The following RPGRIP1 variants were observed in gnomAD, a reference collection of about 807,000 sequenced individuals.
The protein encoded by RPGRIP1 is RPGR interacting protein 1.
In RPGRIP1, 128 loss-of-function variants were observed where a neutral mutation model predicts 157.9. The ratio of observed to expected loss-of-function variants is 0.81; its 90% confidence interval spans 0.70 to 0.94. RPGRIP1 has a LOEUF of 0.94. Ranked by LOEUF, RPGRIP1 falls within the 40% of genes least tolerant of loss-of-function variation. The probability of loss-of-function intolerance (pLI) is 0.00; values close to 1 mark genes in which losing one functional copy is unlikely to be tolerated. For synonymous variants in RPGRIP1, 554 were observed against 571.6 expected (o/e 0.97, Z 0.44); for missense variants, 1,486 against 1,545.8 (o/e 0.96, Z 0.65).
chr14:21,296,045 C>A (rs531945626), intron 3 of RPGRIP1, among the ~76,000 whole-genome samples: 1 of 152,158 alleles, frequency 6.6e-6, no homozygotes, highest in East Asian at 1.9e-4. Flanking sequence ...AAGCAACTCT[C>A]CTGTCTCAGC....
intron 21 of RPGRIP1, among the ~76,000 whole-genome samples, chr14:21,341,741 C>T (rs1885017580): frequency 6.6e-6 from 1 of 152,094 alleles, no homozygotes; most frequent in Non-Finnish European, 1.5e-5. Context: ...ATGGCAGCGA[C>T]TGTGAAGTGG....
intron 14 of RPGRIP1, among the ~76,000 whole-genome samples, chr14:21,323,187 C>T (rs1882687767): frequency 1.3e-5 from 2 of 151,932 alleles, no homozygotes; most frequent in Admixed American, 6.6e-5. Flanking sequence ...TTTGGGAGGA[C>T]GAGGCGGGCG....
At chr14:21,347,908 G>A (rs1885727670) in intron 23 of RPGRIP1, among the ~76,000 whole-genome samples, 1 of 151,662 alleles carries the variant, frequency 6.6e-6, no homozygotes, top group African/African-American at 2.4e-5. Context: ...TATTTTTTTT[G>A]TAGAGACGGG....
chr14:21,351,190 G>T lies in RPGRIP1; in HGVS notation c.3835G>T (p.Glu1279Ter). 1 of 1,608,542 alleles carries T rather than the reference G, an allele frequency of 6.2e-7. No individual in the cohort carries two copies. ...TGCTGTCCTCCATGCTATTTACAAG[G>T]AGATGACTGAAGATTTGTTTTCATG... ...AAAVLHAIYK[E>*]MTEDLFS Residue 1279 changes from glutamate (E) to a stop codon, truncating the protein, a stop_gained, in exon 25 of 25, where the codon GAG (glutamate) becomes TAG (stop). Coordinates refer to ENST00000400017, the MANE Select transcript of RPGRIP1 (RefSeq NM_020366.4). LOFTEE classifies it high-confidence loss of function.
intron 19 of RPGRIP1, among the ~76,000 whole-genome samples, chr14:21,329,770 A>G (rs1028463247): frequency 6.6e-6 from 1 of 150,856 alleles, no homozygotes; most frequent in African/African-American, 2.4e-5. Context: ...TGCTGAGATT[A>G]TAGGCGTGAG....
Position 21,334,588 on chromosome 14 carries a change from A to T in RPGRIP1, c.3239-17A>T. 1 of 1,572,892 alleles carries T rather than the reference A, an allele frequency of 6.4e-7. No homozygotes were observed. The highest frequency in any genetic ancestry group is 8.7e-7 in the Non-Finnish European group (1 of 1,152,724). ...TGCTTTGAAACAGTTCTATAACTGC[A>T]ACCTCTTCTCTAGCAGACAAAGAAT... On this transcript the variant is annotated splice_polypyrimidine_tract_variant and intron_variant, in intron 20 of 24. Transcript: ENST00000400017.
At chr14:21,350,112 A>G (rs1194788250) in intron 24 of RPGRIP1, among the ~76,000 whole-genome samples, 1 of 152,216 alleles carries the variant, frequency 6.6e-6, no homozygotes, top group Non-Finnish European at 1.5e-5. Context: ...GAGGTGGCTC[A>G]TGCCTGTAAT....
At chr14:21,316,479 C>T (rs28532897) in intron 10 of RPGRIP1, among the ~76,000 whole-genome samples, 3,996 of 152,048 alleles carry the variant, frequency 0.026, 177 homozygotes, top group African/African-American at 0.092. Context: ...TGCAGTGGCA[C>T]GATCTCAGCT....
In RPGRIP1 at chr14:21,327,690, G is replaced by A. The variant is rs768667422; in HGVS notation, c.2778G>A (p.Lys926=). The A allele has an allele frequency of 6.2e-7, 1 of 1,613,940 alleles. No homozygotes were observed. Among genetic ancestry groups the A allele is most frequent in the Admixed American group, 1.7e-5 (1 of 60,000 alleles). The part of the protein sequence containing the change: ...NGSIQVQLDW[K]FPYIPPESFL... ...CTATTCAAGTGCAACTGGATTGGAA[G>A]TTTCCCTACATACCCCCTGAGAGCT... Residue 926 remains lysine (K), a synonymous_variant, in exon 18 of 25, where the codon AAG becomes AAA. Coordinates refer to ENST00000400017, the MANE Select transcript of RPGRIP1 (RefSeq NM_020366.4).
At chr14:21,319,246 C>A (rs1015845220) in intron 11 of RPGRIP1, among the ~76,000 whole-genome samples, 2 of 152,148 alleles carry the variant, frequency 1.3e-5, no homozygotes, top group African/African-American at 4.8e-5. Context: ...TCACTAAACA[C>A]CGATTACCTT....
chr14:21,287,612 A>T lies in RPGRIP1; in HGVS notation c.-38-327A>T, dbSNP rs548530399. ...CTGGGGAGTCAGTCCCTGTAAATTG[A>T]GTGGAGAGAGGGATAGAGGCCTATT... On this transcript the variant is annotated intron_variant, in intron 1 of 24. Transcript: ENST00000400017. Among the ~76,000 whole-genome samples the T allele has an allele frequency of 6.6e-5, 10 of 152,192 alleles. No homozygotes were observed. In the East Asian group the frequency reaches 1.9e-3, roughly 29 times the overall value.
chr14:21,348,381 A>G (rs971478260), intron 24 of RPGRIP1, 79 bp downstream of exon 24: 4 of 1,079,980 alleles, frequency 3.7e-6, no homozygotes, highest in Non-Finnish European at 5.2e-6. Context: ...TTCAATACAT[A>G]ATTATTACTA....
rs59104315 is a variant in RPGRIP1, at chr14:21,285,302, G to A, written c.-38-2637G>A. 4.9e-3 allele frequency among the ~76,000 whole-genome samples: 740 copies of A among 151,814 alleles called. 19 individuals are homozygous for A. The highest frequency in any genetic ancestry group is 0.017 in the African/African-American group (712 of 41,264). On this transcript the variant is annotated intron_variant, in intron 1 of 24. Transcript: ENST00000400017. Reference sequence around the variant, plus strand: ...GAGACCAAAGGATCAGATGGAGTCAGCCAAATAAAGAGCAAGAAGGAGGCC... The same window carrying A: ...GAGACCAAAGGATCAGATGGAGTCAACCAAATAAAGAGCAAGAAGGAGGCC...
At chr14:21,318,067 T>C in intron 11 of RPGRIP1, 2 of 687,644 alleles carry the variant, frequency 2.9e-6, no homozygotes, top group Non-Finnish European at 5.3e-6. Flanking sequence ...TCCTATATAA[T>C]GTCTTTCCAT....
At chr14:21,338,583 A>G (rs1222444741) in intron 21 of RPGRIP1, among the ~76,000 whole-genome samples, 1 of 152,242 alleles carries the variant, frequency 6.6e-6, no homozygotes, top group Admixed American at 6.5e-5. Context: ...ACATAATGGA[A>G]TTAGCTCATG....
intron 18 of RPGRIP1, among the ~76,000 whole-genome samples, chr14:21,328,120 G>A (rs2071318404): frequency 1.3e-5 from 2 of 151,930 alleles, no homozygotes; most frequent in Admixed American, 6.6e-5. Flanking sequence ...GGCGAGCCGA[G>A]ATCACGCCAT....
chr14:21,284,335 C>A (rs1816928334), intron 1 of RPGRIP1, among the ~76,000 whole-genome samples: 1 of 151,856 alleles, frequency 6.6e-6, no homozygotes, highest in Admixed American at 6.6e-5. Flanking sequence ...TACTATAGAA[C>A]CTAAAGGTAG....
At chr14:21,295,619 G>T (rs1456797948) in intron 3 of RPGRIP1, among the ~76,000 whole-genome samples, 2 of 151,704 alleles carry the variant, frequency 1.3e-5, no homozygotes, top group Non-Finnish European at 2.9e-5. Flanking sequence ...AAGTAGCTGG[G>T]ATTATAGGCA....
At chr14:21,307,622 G>A (rs1881372127) in intron 6 of RPGRIP1, 109 bp from the exon 7 acceptor site, 1 of 696,548 alleles carries the variant, frequency 1.4e-6, no homozygotes, top group East Asian at 2.8e-5. Flanking sequence ...GGGTAAGACG[G>A]GAAGGCAAGA....
Sources: allele counts gnomAD v4.1 joint callset (sites outside exome capture counted in the v4.1 genomes callset), GRCh38; gene constraint gnomAD v4.1.1; transcripts MANE v1.5; gene names NCBI Gene and HGNC (gene_info 2026-07-23, HGNC 2026-07-21).